Variants in SLC49A4 observed in about 807,000 individuals in gnomAD.
The protein encoded by SLC49A4 is disrupted in renal cancer protein 2.
SLC49A4 carries 36 observed loss-of-function variants against 50.6 expected under a neutral mutation model. The ratio of observed to expected loss-of-function variants is 0.71; its 90% CI spans 0.55 to 0.94. The LOEUF (loss-of-function observed/expected upper bound fraction) is 0.94. Among genes scored for constraint, SLC49A4 ranks in the 40% least tolerant of loss-of-function variants. SLC49A4 has a pLI of 0.00. For missense variants in SLC49A4, 503 were observed against 605.7 expected (o/e 0.83, Z 1.78); for synonymous variants, 248 against 241.2 (o/e 1.03, Z -0.26).
chr3:122,820,732 A>T (rs913720326), intron 2 of SLC49A4, among the ~76,000 whole-genome samples: 1 of 152,208 alleles, frequency 6.6e-6, no homozygotes, highest in Non-Finnish European at 1.5e-5. Flanking sequence ...GCACTAATCG[A>T]GGGCAGTGGG....
At chr3:122,839,829 G>A (rs551603772) in intron 4 of SLC49A4, among the ~76,000 whole-genome samples, 5 of 152,116 alleles carry the variant, frequency 3.3e-5, no homozygotes, top group Non-Finnish European at 7.4e-5. Flanking sequence ...AAACAGTATG[G>A]AGATTCCTTA....
chr3:122,854,104 G>T (rs1281598817), intron 5 of SLC49A4, among the ~76,000 whole-genome samples: 3 of 152,212 alleles, frequency 2.0e-5, no homozygotes, highest in African/African-American at 7.2e-5. Flanking sequence ...GGAAGTGTTT[G>T]TGGGAGCCTA....
intron 7 of SLC49A4, among the ~76,000 whole-genome samples, chr3:122,869,625 G>A (rs916018807): frequency 2.0e-5 from 3 of 152,086 alleles, no homozygotes; most frequent in Non-Finnish European, 4.4e-5. Flanking sequence ...TATTTATTTT[G>A]ATAGACATTT....
intron 5 of SLC49A4, among the ~76,000 whole-genome samples, chr3:122,846,409 G>GT (rs1473628944): frequency 2.0e-5 from 3 of 150,182 alleles, no homozygotes; most frequent in Non-Finnish European, 4.5e-5. Context: ...TATTGTATGA[G>GT]TAAAAAAAAA....
intron 1 of SLC49A4, among the ~76,000 whole-genome samples, chr3:122,801,590 C>G (rs1185951828): frequency 1.3e-5 from 2 of 151,476 alleles, no homozygotes; most frequent in Non-Finnish European, 2.9e-5. Context: ...AACCTCATCT[C>G]AAAAACAAAA....
At chr3:122,830,360 A>G (rs951404243) in intron 3 of SLC49A4, among the ~76,000 whole-genome samples, 6 of 152,224 alleles carry the variant, frequency 3.9e-5, no homozygotes, top group African/African-American at 1.4e-4. Flanking sequence ...AATATCCAAA[A>G]CAATCTTGAA....
At chr3:122,859,216 G>A (rs892074754) in intron 6 of SLC49A4, among the ~76,000 whole-genome samples, 3 of 151,356 alleles carry the variant, frequency 2.0e-5, no homozygotes, top group East Asian at 2.0e-4. Context: ...GTGAAGATCC[G>A]GGTGGTACCA....
chr3:122,851,523 C>A lies in SLC49A4; in HGVS notation c.943-4784C>A, dbSNP rs150150941. The stretch of plus-strand genomic sequence containing the variant: ...CATTGTTTTAATTGAGAAGTTAGCT[C>A]TCAAATTTAAAAGCTGGCTGCTTTT... On this transcript the variant is annotated intron_variant, in intron 5 of 8. Transcript: ENST00000261038. 7.2e-3 allele frequency among the ~76,000 whole-genome samples: 1,098 copies of A among 152,196 alleles called. 5 individuals carry two copies. The highest frequency in any genetic ancestry group is 0.023 in the African/African-American group (951 of 41,540).
intron 4 of SLC49A4, among the ~76,000 whole-genome samples, chr3:122,834,067 C>G (rs369919462): frequency 6.6e-6 from 1 of 152,164 alleles, no homozygotes; most frequent in South Asian, 2.1e-4. Flanking sequence ...ATATAAAATA[C>G]CACTATTGAT....
At chr3:122,852,383 G>A (rs1419132093) in intron 5 of SLC49A4, among the ~76,000 whole-genome samples, 1 of 152,146 alleles carries the variant, frequency 6.6e-6, no homozygotes, top group South Asian at 2.1e-4. Context: ...TTTCAAATTT[G>A]TATCTCATAA....
intron 4 of SLC49A4, among the ~76,000 whole-genome samples, chr3:122,838,712 TA>T (rs1272503627): frequency 1.3e-5 from 2 of 150,792 alleles, no homozygotes; most frequent in East Asian, 3.9e-4. Context: ...ATAATAATAA[TA>T]AAATAAAATA....
chr3:122,813,569 A>G (rs1302567661), intron 2 of SLC49A4, among the ~76,000 whole-genome samples: 1 of 152,190 alleles, frequency 6.6e-6, no homozygotes, highest in Admixed American at 6.5e-5. Context: ...AGAATTTTCA[A>G]AGTAGACCGA....
At chr3:122,821,505 C>G (rs1427161859) in intron 2 of SLC49A4, among the ~76,000 whole-genome samples, 1 of 152,218 alleles carries the variant, frequency 6.6e-6, no homozygotes, top group Non-Finnish European at 1.5e-5. Flanking sequence ...AGATCTCTCA[C>G]AGCTTGACCT....
chr3:122,806,627 C>T (rs1383468419), intron 1 of SLC49A4, among the ~76,000 whole-genome samples: 3 of 151,988 alleles, frequency 2.0e-5, no homozygotes, highest in East Asian at 1.9e-4. Flanking sequence ...CTGCCCACCT[C>T]GGCCTCTCAA....
At position 122,795,127 on chromosome 3, in the gene SLC49A4, T is replaced by C. The variant is rs561800780; in HGVS notation, c.-66T>C. On this transcript the variant is annotated 5_prime_UTR_variant, in exon 1 of 9. Transcript: ENST00000261038. ...CGCCTCCTGCTGCTCAGGACTATTC[T>C]GCGCTGGGCTAGTCGGCGGTGACCC... 71 of 1,285,946 alleles carry C rather than the reference T, an allele frequency of 5.5e-5. No individual in the cohort carries two copies. In the African/African-American group the frequency reaches 1.0e-3, roughly 19 times the overall value. 79.7% of individuals were successfully genotyped at this position (1,285,946 alleles called of 1,614,324 possible). A position where few individuals can be genotyped will look rare whatever the true frequency, so the allele number is the denominator to read the frequency against.
At chr3:122,798,135 T>G (rs1936074400) in intron 1 of SLC49A4, among the ~76,000 whole-genome samples, 1 of 152,236 alleles carries the variant, frequency 6.6e-6, no homozygotes, top group South Asian at 2.1e-4. Context: ...TACATTTAGT[T>G]GTAATTTCTC....
chr3:122,813,422 T>TAC (rs1480283281), intron 2 of SLC49A4, among the ~76,000 whole-genome samples: 1 of 152,144 alleles, frequency 6.6e-6, no homozygotes, highest in Non-Finnish European at 1.5e-5. Flanking sequence ...GAGAAGTATA[T>TAC]ACAACATACA....
In SLC49A4 at chr3:122,795,250, G is replaced by C. The variant is rs777402877; in HGVS notation, c.58G>C (p.Gly20Arg). ...GCAGCCGCTGCTGGGGCCCGGGCTC[G>C]GGCCTGGGCTGGGGGCCTCCTGGAG... ...ERQPLLGPGL[G>R]PGLGASWRSR... The change falls in exon 1 of 9, where the codon GGG (glycine) becomes CGG (arginine). Residue 20 changes from glycine (G) to arginine (R), a missense_variant. Transcript: ENST00000261038. 233 of 1,347,888 alleles carry C rather than the reference G, an allele frequency of 1.7e-4. 2 individuals are homozygous for C. The African/African-American group carries it at 2.8e-3, about 16-fold the overall frequency. 83.5% of individuals were successfully genotyped at this position (1,347,888 alleles called of 1,614,324 possible). A position where few individuals can be genotyped will look rare whatever the true frequency, so the allele number is the denominator to read the frequency against.
intron 7 of SLC49A4, among the ~76,000 whole-genome samples, chr3:122,865,510 C>T (rs1471188511): frequency 6.6e-6 from 1 of 152,084 alleles, no homozygotes; most frequent in African/African-American, 2.4e-5. Flanking sequence ...AGGTACAGCT[C>T]AGTGATATAG....
Sources: gnomAD v4.1 joint callset for allele counts (sites outside exome capture counted in the v4.1 genomes callset) on GRCh38, gnomAD v4.1.1 for gene constraint, MANE v1.5 for transcripts, NCBI Gene and HGNC (gene_info 2026-07-23, HGNC 2026-07-21) for gene names.